Variants in STK3 observed in about 807,000 individuals in gnomAD.
STK3 encodes serine/threonine-protein kinase 3.
Under a neutral mutation model 58.0 loss-of-function variants are expected in STK3, and 41 were observed. That is an observed-to-expected ratio of 0.71 (90% CI 0.55 to 0.92). STK3 has a LOEUF of 0.92. Among genes scored for constraint, STK3 ranks in the 40% least tolerant of loss-of-function variants. The pLI, the probability that STK3 is intolerant of heterozygous loss-of-function variation, is 0.00. For synonymous variants in STK3, 170 were observed against 191.0 expected (o/e 0.89, Z 0.91); for missense variants, 479 against 602.7 (o/e 0.79, Z 2.15).
intron 6 of STK3, among the ~76,000 whole-genome samples, chr8:98,702,690 T>C (rs1354769031): frequency 1.3e-5 from 2 of 152,136 alleles, no homozygotes; most frequent in South Asian, 2.1e-4. Flanking sequence ...TTCCTAATTA[T>C]ATACAGCTAG....
chr8:98,535,095 T>C (rs974055341), intron 9 of STK3, among the ~76,000 whole-genome samples: 1 of 152,192 alleles, frequency 6.6e-6, no homozygotes, highest in Non-Finnish European at 1.5e-5. Context: ...ACATTCAGTA[T>C]TATATAATAA....
chr8:98,773,807 A>T (rs545185144), intron 2 of STK3, among the ~76,000 whole-genome samples: 2 of 150,966 alleles, frequency 1.3e-5, no homozygotes, highest in Admixed American at 6.6e-5. Context: ...TTATTTATTT[A>T]TTTTTTGAGA....
In STK3 at chr8:98,912,584, G is replaced by C. The variant is rs115574244; in HGVS notation, c.-78-28750C>G. Among the ~76,000 whole-genome samples the C allele has an allele frequency of 8.3e-3, 1,270 of 152,196 alleles. 12 individuals carry two copies. The highest frequency in any genetic ancestry group is 0.028 in the African/African-American group (1,165 of 41,524). ...TGCCCCACTAACAACACTATGCAGAGAACAGACTAAAAAACATACTCTCTG... is the reference window on the plus strand; with the variant it reads ...TGCCCCACTAACAACACTATGCAGACAACAGACTAAAAAACATACTCTCTG... On this transcript the variant is annotated intron_variant, in intron 1 of 1. Transcript: ENST00000519420.
At chr8:98,784,582 T>A (rs1048999645) in intron 1 of STK3, among the ~76,000 whole-genome samples, 2 of 152,034 alleles carry the variant, frequency 1.3e-5, no homozygotes, top group African/African-American at 4.8e-5. Context: ...TCACCCTTCA[T>A]GGATATAGAT....
At chr8:98,849,235 A>G (rs141086382) in intron 3 of STK3, among the ~76,000 whole-genome samples, 2,721 of 152,054 alleles carry the variant, frequency 0.018, 80 homozygotes, top group African/African-American at 0.063. Flanking sequence ...CAAAAAAAAA[A>G]AAAAAAAAGA....
chr8:98,527,002 C>A, intron 9 of STK3, 85 bp from the exon 10 acceptor site: 1 of 1,190,980 alleles, frequency 8.4e-7, no homozygotes, highest in Admixed American at 2.9e-5. Flanking sequence ...TTTTATGAAG[C>A]CATATAATAA....
intron 8 of STK3, among the ~76,000 whole-genome samples, chr8:98,561,983 A>G (rs1485130570): frequency 6.6e-6 from 1 of 152,214 alleles, no homozygotes; most frequent in African/African-American, 2.4e-5. Context: ...TAGAATGGTT[A>G]AAATGCAAAA....
intron 10 of STK3, among the ~76,000 whole-genome samples, chr8:98,459,193 C>A (rs993605599): frequency 5.3e-5 from 8 of 152,236 alleles, no homozygotes; most frequent in Non-Finnish European, 1.2e-4. Flanking sequence ...TCACTGGCAA[C>A]TGGAGCAAAG....
chr8:98,706,602 T>A lies in STK3; in HGVS notation c.549A>T (p.Gly183=), dbSNP rs756004244. 1 of 1,610,820 alleles carries A rather than the reference T, an allele frequency of 6.2e-7. No individual in the cohort carries two copies. The highest frequency in any genetic ancestry group is 1.3e-5 in the African/African-American group (1 of 74,778). The part of the protein sequence containing the change: ...DTMAKRNTVI[G]TPFWMAPEVI... ...CCTCAGGAGCCATCCAAAATGGAGT[T>A]CCTATTACAGTATTGCGTTTTGCCA... Residue 183 remains glycine, a synonymous_variant, in exon 6 of 11, where the codon GGA becomes GGT. Transcript: ENST00000419617.
chr8:98,695,777 T>C (rs952063472), intron 6 of STK3, among the ~76,000 whole-genome samples: 7 of 152,214 alleles, frequency 4.6e-5, no homozygotes, highest in Admixed American at 3.9e-4. Context: ...TGTAGCCTTG[T>C]AGTTTGAAGT....
At chr8:98,835,608 C>G (rs6985532) in intron 3 of STK3, among the ~76,000 whole-genome samples, 2 of 152,176 alleles carry the variant, frequency 1.3e-5, no homozygotes. Flanking sequence ...ATTTTGCTAC[C>G]GAGTGCCCGC....
chr8:98,412,552 T>C (rs1470306927), intron 3 of STK3, among the ~76,000 whole-genome samples: 1 of 152,204 alleles, frequency 6.6e-6, no homozygotes. Flanking sequence ...GGGGAGGTGG[T>C]CCCAGCTACA....
At chr8:98,400,048 G>A (rs1008122214), downstream of STK3, among the ~76,000 whole-genome samples, 5 of 152,116 alleles carry the variant, frequency 3.3e-5, no homozygotes, top group Non-Finnish European at 7.4e-5. Context: ...ATCAGATCCC[G>A]GTGGTGAGCA....
chr8:98,858,319 TATATAGAGAGAGAGAGAGAG>T (rs1836768819), intron 3 of STK3, among the ~76,000 whole-genome samples: 1 of 39,946 alleles, frequency 2.5e-5, no homozygotes, highest in African/African-American at 9.5e-5. Context: ...TATATATATA[TATATAGAGAGAGAGAGAGAG>T]AGAGAGAGAG....
intron 1 of STK3, among the ~76,000 whole-genome samples, chr8:98,381,801 G>T (rs1173562003): frequency 1.3e-5 from 2 of 152,206 alleles, no homozygotes; most frequent in African/African-American, 4.8e-5. Flanking sequence ...CCTCTACCCA[G>T]GCTCTGGGGA....
intron 1 of STK3, among the ~76,000 whole-genome samples, chr8:98,904,185 G>A (rs192896717): frequency 6.6e-6 from 1 of 152,238 alleles, no homozygotes; most frequent in Admixed American, 6.5e-5. Context: ...TTAGAGTCCA[G>A]AACTAACAGA....
intron 3 of STK3, among the ~76,000 whole-genome samples, chr8:98,853,641 A>G (rs1431085698): frequency 1.3e-5 from 2 of 152,100 alleles, no homozygotes; most frequent in Non-Finnish European, 2.9e-5. Flanking sequence ...ATCTAGCCAC[A>G]CTCATTTGTG....
intron 8 of STK3, among the ~76,000 whole-genome samples, chr8:98,555,606 G>C (rs1811529257): frequency 6.6e-6 from 1 of 151,852 alleles, no homozygotes; most frequent in African/African-American, 2.4e-5. Flanking sequence ...CATTCAACTG[G>C]ACAATTCTAA....
intron 1 of STK3, among the ~76,000 whole-genome samples, chr8:98,822,012 A>AT (rs1172755400): frequency 2.6e-5 from 4 of 152,166 alleles, no homozygotes; most frequent in Non-Finnish European, 5.9e-5. Flanking sequence ...TTATGTGTTG[A>AT]TATGTGTACA....
Sources: allele counts gnomAD v4.1 joint callset (sites outside exome capture counted in the v4.1 genomes callset), GRCh38; gene constraint gnomAD v4.1.1; transcripts MANE v1.5; gene names NCBI Gene and HGNC (gene_info 2026-07-23, HGNC 2026-07-21).